CACNA1C: variants seen among roughly 807,000 people sequenced by gnomAD.
CACNA1C encodes the protein calcium voltage-gated channel subunit alpha1 C, also known as voltage-dependent L-type calcium channel subunit alpha-1C.
In CACNA1C, 30 loss-of-function variants were observed where a neutral mutation model predicts 229.0. The ratio of observed to expected loss-of-function variants is 0.13; its 90% CI spans 0.10 to 0.18. The LOEUF is 0.18. Ranked by LOEUF, CACNA1C falls within the 10% of genes least tolerant of loss-of-function variation. The pLI, the probability that CACNA1C is intolerant of heterozygous loss-of-function variation, is 1.00. For missense variants in CACNA1C, 1,658 were observed against 2,845.0 expected (o/e 0.58, Z 9.49); for synonymous variants, 1,114 against 1,132.5 (o/e 0.98, Z 0.33).
intron 9 of CACNA1C, among the ~76,000 whole-genome samples, chr12:2,526,247 G>A (rs1764777114): frequency 6.6e-6 from 1 of 152,174 alleles, no homozygotes; most frequent in Non-Finnish European, 1.5e-5. Context: ...TCATTCCCTG[G>A]GCTTAATCAT....
At chr12:2,012,634 C>T (rs897060020) in intron 1 of CACNA1C, among the ~76,000 whole-genome samples, 1 of 152,204 alleles carries the variant, frequency 6.6e-6, no homozygotes, top group African/African-American at 2.4e-5. Flanking sequence ...AGTTTCTATT[C>T]TCAAGGAATT....
intron 3 of CACNA1C, among the ~76,000 whole-genome samples, chr12:2,341,586 C>T (rs996435917): frequency 1.3e-5 from 2 of 152,332 alleles, no homozygotes; most frequent in African/African-American, 4.8e-5. Flanking sequence ...TGGACTGTGA[C>T]GTTATCCACA....
chr12:2,308,468 A>C (rs905603470), intron 3 of CACNA1C, among the ~76,000 whole-genome samples: 12 of 152,010 alleles, frequency 7.9e-5, no homozygotes, highest in Non-Finnish European at 1.5e-4. Flanking sequence ...TATTCTTAGC[A>C]CCCTTGTCAA....
chr12:2,101,419 C>G (rs2076366979), intron 1 of CACNA1C, among the ~76,000 whole-genome samples: 1 of 152,182 alleles, frequency 6.6e-6, no homozygotes, highest in Non-Finnish European at 1.5e-5. Context: ...GCAGGAGGCT[C>G]TAGGAGGGGT....
intron 1 of CACNA1C, among the ~76,000 whole-genome samples, chr12:1,980,572 T>C (rs1334405276): frequency 1.3e-5 from 2 of 151,988 alleles, no homozygotes; most frequent in East Asian, 3.9e-4. Context: ...CAGAAGTTTT[T>C]AATTTGATGA....
At chr12:2,351,835 A>G (rs1044749259) in intron 3 of CACNA1C, among the ~76,000 whole-genome samples, 8 of 151,666 alleles carry the variant, frequency 5.3e-5, no homozygotes, top group Non-Finnish European at 1.2e-4. Flanking sequence ...CATGCCCACC[A>G]CCTCTTCTGC....
intron 3 of CACNA1C, among the ~76,000 whole-genome samples, chr12:2,412,703 T>C (rs1395295764): frequency 6.6e-6 from 1 of 152,194 alleles, no homozygotes; most frequent in Admixed American, 6.5e-5. Flanking sequence ...TGTAAATAAA[T>C]AGATATTTAA....
chr12:2,409,109 T>TTAGC (rs2098775451), intron 3 of CACNA1C, among the ~76,000 whole-genome samples: 1 of 152,246 alleles, frequency 6.6e-6, no homozygotes, highest in South Asian at 2.1e-4. Context: ...TACACTCTTG[T>TTAGC]TAGCACATGT....
At chr12:2,086,862 C>G (rs2067894021) in intron 1 of CACNA1C, among the ~76,000 whole-genome samples, 1 of 152,216 alleles carries the variant, frequency 6.6e-6, no homozygotes. Flanking sequence ...ATGGTCATGT[C>G]TGACTGCCAC....
intron 3 of CACNA1C, among the ~76,000 whole-genome samples, chr12:2,327,047 T>C (rs2096335546): frequency 6.6e-6 from 1 of 152,130 alleles, no homozygotes; most frequent in Non-Finnish European, 1.5e-5. Flanking sequence ...GCAGCTTTAG[T>C]TGCCATCTTG....
intron 1 of CACNA1C, among the ~76,000 whole-genome samples, chr12:2,099,994 A>T (rs1277736967): frequency 1.3e-5 from 2 of 152,240 alleles, no homozygotes; most frequent in African/African-American, 2.4e-5. Flanking sequence ...CACAGCTAGC[A>T]ACTGACAGAG....
In CACNA1C at chr12:2,665,564, T is replaced by C. The variant is rs1297500793; in HGVS notation, c.4399-17T>C. The C allele has an allele frequency of 6.2e-7, 1 of 1,612,540 alleles. No individual in the cohort carries two copies. Among genetic ancestry groups the C allele is most frequent in the South Asian group, 1.1e-5 (1 of 91,034 alleles). On this transcript the variant is annotated splice_polypyrimidine_tract_variant and intron_variant, in intron 35 of 46. Coordinates refer to ENST00000399655, the MANE Select transcript of CACNA1C (RefSeq NM_000719.7). This position sits in a 1 kb window ranked among gnomAD's most constrained non-coding sequence, Gnocchi z 5.9. ...GGAAGGTCTTCTCACAGCACCTCATTGTACTGTTCCCCACAGATCATCAAC... is the reference window on the plus strand; with the variant it reads ...GGAAGGTCTTCTCACAGCACCTCATCGTACTGTTCCCCACAGATCATCAAC...
intron 3 of CACNA1C, among the ~76,000 whole-genome samples, chr12:2,227,515 G>A (rs779738487): frequency 1.3e-5 from 2 of 152,168 alleles, no homozygotes; most frequent in Non-Finnish European, 2.9e-5. Flanking sequence ...GATGTGCTCA[G>A]CCTGTGGTGA....
At chr12:2,655,294 C>G in intron 34 of CACNA1C, 56 bp downstream of exon 34, 7 of 1,076,706 alleles carry the variant, frequency 6.5e-6, no homozygotes, top group South Asian at 2.8e-5. Flanking sequence ...TGGTGCCACA[C>G]TGTGGCCTGG....
intron 3 of CACNA1C, among the ~76,000 whole-genome samples, chr12:2,440,809 T>C (rs1024444410): frequency 1.3e-5 from 2 of 152,200 alleles, no homozygotes; most frequent in African/African-American, 4.8e-5. Context: ...ATGGGTGTCC[T>C]GGTTTTTCTC....
intron 3 of CACNA1C, among the ~76,000 whole-genome samples, chr12:2,328,904 C>T (rs183977727): frequency 4.1e-4 from 63 of 152,280 alleles, no homozygotes; most frequent in Non-Finnish European, 7.1e-4. Context: ...AGGAGCAATG[C>T]GGTGTCTCAT....
At chr12:2,434,808 C>G (rs2239076) in intron 3 of CACNA1C, among the ~76,000 whole-genome samples, 72,320 of 152,060 alleles carry the variant, frequency 0.48, 17,558 homozygotes, top group East Asian at 0.61. Flanking sequence ...TGTCTTTTCT[C>G]TTCCTCTTCT....
At chr12:2,041,818 C>T (rs2050163187) in intron 1 of CACNA1C, among the ~76,000 whole-genome samples, 1 of 152,214 alleles carries the variant, frequency 6.6e-6, no homozygotes, top group Admixed American at 6.5e-5. Flanking sequence ...CAGCCTGAAC[C>T]AACGTTCAGT....
chr12:2,345,722 G>A (rs1056789148), intron 3 of CACNA1C, among the ~76,000 whole-genome samples: 2 of 152,126 alleles, frequency 1.3e-5, no homozygotes, highest in Non-Finnish European at 2.9e-5. Flanking sequence ...GTTGATCTAG[G>A]CTGGCCACTA....
Sources: allele counts gnomAD v4.1 joint callset (sites outside exome capture counted in the v4.1 genomes callset), GRCh38; gene constraint gnomAD v4.1.1; non-coding constraint Gnocchi (gnomAD v3.1); transcripts MANE v1.5; gene names NCBI Gene and HGNC (gene_info 2026-07-23, HGNC 2026-07-21).